Variants in DCTN4 observed in about 807,000 individuals in gnomAD.
DCTN4 encodes dynactin 4 (p62).
DCTN4 carries 23 observed loss-of-function variants against 62.7 expected under a neutral mutation model. The observed-to-expected ratio is 0.37, with a 90% CI of 0.26 to 0.52. The LOEUF is 0.52. Ranked by LOEUF, DCTN4 falls within the 20% of genes least tolerant of loss-of-function variation. DCTN4 has a pLI of 0.92. For missense variants in DCTN4, 514 were observed against 580.4 expected, an observed-to-expected ratio of 0.89 and a Z score of 1.18; for synonymous variants, 199 against 202.1, an observed-to-expected ratio of 0.98 and a Z score of 0.13.
rs1441251507 is a variant in DCTN4 at position 150,708,918 on chromosome 5, C to A, written c.*2231G>T. On this transcript the variant is annotated 3_prime_UTR_variant, in exon 13 of 13. Coordinates refer to ENST00000447998, the MANE Select transcript of DCTN4 (RefSeq NM_016221.4). ...TCATTATGCTGATAAGCACTTCAAA[C>A]AAAAGAAAAGGTCAGTAGGTGAATC... The A allele has an allele frequency of 1.3e-5, 2 of 152,754 alleles. No homozygotes were observed. The highest frequency in any genetic ancestry group is 2.9e-5 in the Non-Finnish European group (2 of 68,026). The allele number at this position is 152,754 out of a possible 1,614,324, so 9.5% of individuals were successfully genotyped here.
In DCTN4 at chr5:150,741,927, T is replaced by C. The variant is rs76145605; in HGVS notation, c.429+187A>G. On this transcript the variant is annotated intron_variant, in intron 4 of 12. Transcript: ENST00000447998. ...AAGCTACACCTAGGATTCTCCATTATCTTAAGTCATTTGGAAAAAAGTGAC... is the reference window on the plus strand; with the variant it reads ...AAGCTACACCTAGGATTCTCCATTACCTTAAGTCATTTGGAAAAAAGTGAC... Among the ~76,000 whole-genome samples, 178 of 152,338 alleles carry C rather than the reference T, an allele frequency of 1.2e-3. 2 individuals carry two copies. The highest frequency in any genetic ancestry group is 4.1e-3 in the African/African-American group (171 of 41,582).
At chr5:150,721,648 T>C (rs1759957723) in intron 9 of DCTN4, among the ~76,000 whole-genome samples, 1 of 152,228 alleles carries the variant, frequency 6.6e-6, no homozygotes, top group Non-Finnish European at 1.5e-5. Flanking sequence ...TCCCATAAGC[T>C]ACCTGTTCAA....
chr5:150,743,643 G>A (rs539379440), intron 3 of DCTN4, among the ~76,000 whole-genome samples: 2 of 152,296 alleles, frequency 1.3e-5, no homozygotes, highest in East Asian at 1.9e-4. Flanking sequence ...CGCGATTCAC[G>A]AAAATCTGTG....
intron 3 of DCTN4, among the ~76,000 whole-genome samples, chr5:150,750,816 G>A (rs1752644305): frequency 6.6e-6 from 1 of 152,222 alleles, no homozygotes; most frequent in Non-Finnish European, 1.5e-5. Flanking sequence ...GGAAGATAAA[G>A]TAGGGGGAGG....
chr5:150,730,664 T>C lies in DCTN4; in HGVS notation c.801A>G (p.Lys267=), dbSNP rs745840867. The part of the protein sequence containing the change: ...VCASQLYPRH[K]HLLIKRSLRC... ...GCAGGGACCGTTTGATCAGAAGATG[T>C]TTGTGGCGAGGATAGAGCTGTGAAG... Residue 267 remains lysine, a synonymous_variant, in exon 8 of 13, where the codon AAA becomes AAG. Coordinates refer to ENST00000447998, the MANE Select transcript of DCTN4 (RefSeq NM_016221.4). The C allele has an allele frequency of 4.3e-6, 7 of 1,613,982 alleles. No homozygotes were observed. In the South Asian group the frequency reaches 7.7e-5, roughly 18 times the overall value.
chr5:150,711,279 C>T lies in DCTN4; in HGVS notation c.1253G>A (p.Cys418Tyr), dbSNP rs1330292845. The T allele has an allele frequency of 6.2e-7, 1 of 1,613,512 alleles. No individual in the cohort carries two copies. Among genetic ancestry groups the T allele is most frequent in the South Asian group, 1.1e-5 (1 of 91,048 alleles). The part of the protein sequence containing the change: ...PQREEGEVTV[C>Y]FKMKHDFKNL... ...TTTAAAATCATGCTTCATCTTGAAG[C>T]ACACGGTCACTTCACCCTCCTCACG... Residue 418 changes from cysteine to tyrosine, a missense_variant, in exon 13 of 13, where the codon TGC becomes TAC. Coordinates refer to ENST00000447998, the MANE Select transcript of DCTN4 (RefSeq NM_016221.4).
rs1346179708 is a variant in DCTN4 at position 150,731,420 on chromosome 5, G to C, written c.607C>G (p.Leu203Val). Residue 203 changes from leucine to valine, a missense_variant, in exon 6 of 13, where the codon CTT becomes GTT. By Grantham distance (32) the Leu-to-Val change is conservative (BLOSUM62 1). Coordinates refer to ENST00000447998, the MANE Select transcript of DCTN4 (RefSeq NM_016221.4). Reference sequence around the variant, plus strand: ...TCATTTCATGTCTAAACTTACGAAAGTCCGGCAAGGGTACTGATGGATGCA... The same window carrying C: ...TCATTTCATGTCTAAACTTACGAAACTCCGGCAAGGGTACTGATGGATGCA... ...AGASISTLAG[L>V]SLKEGEDQKE... The C allele has an allele frequency of 1.2e-6, 2 of 1,613,666 alleles. No individual in the cohort carries two copies. Among genetic ancestry groups the C allele is most frequent in the South Asian group, 1.1e-5 (1 of 91,056 alleles).
intron 2 of DCTN4, among the ~76,000 whole-genome samples, chr5:150,754,655 C>CT (rs752488848): frequency 4.6e-5 from 7 of 152,126 alleles, no homozygotes. Context: ...AGAAACAACT[C>CT]TAAGACTGAG....
At chr5:150,731,377 C>G in intron 6 of DCTN4, 39 bp downstream of exon 6, 2 of 1,509,544 alleles carry the variant, frequency 1.3e-6, no homozygotes, top group South Asian at 2.3e-5. Flanking sequence ...ATTTTGATAC[C>G]TGCTGTTCTC....
chr5:150,756,357 G>A, intron 2 of DCTN4, 60 bp downstream of exon 2: 1 of 1,259,368 alleles, frequency 7.9e-7, no homozygotes, highest in Non-Finnish European at 1.1e-6. Context: ...TTTTTAACTA[G>A]CTATTTTAGA....
chr5:150,735,192 G>A (rs1036047229), intron 4 of DCTN4, among the ~76,000 whole-genome samples: 13 of 149,624 alleles, frequency 8.7e-5, no homozygotes, highest in South Asian at 4.2e-4. Context: ...TCTTGAAAGC[G>A]CCACCTCCTG....
chr5:150,734,914 T>C (rs2113073113), intron 4 of DCTN4, among the ~76,000 whole-genome samples: 1 of 152,234 alleles, frequency 6.6e-6, no homozygotes, highest in East Asian at 1.9e-4. Flanking sequence ...GAGGCAGCCA[T>C]AATCCCCCTG....
chr5:150,752,679 T>C (rs1393645945), intron 3 of DCTN4, among the ~76,000 whole-genome samples: 1 of 152,158 alleles, frequency 6.6e-6, no homozygotes, highest in African/African-American at 2.4e-5. Flanking sequence ...GGAAGTCGAA[T>C]ACATCTTTTT....
intron 3 of DCTN4, chr5:150,742,928 C>T (rs1760820919): frequency 6.4e-6 from 1 of 157,214 alleles, no homozygotes; most frequent in Non-Finnish European, 1.4e-5. Context: ...GCATTTCCAT[C>T]TGAGGTACTG....
intron 3 of DCTN4, among the ~76,000 whole-genome samples, chr5:150,743,765 A>G (rs559003080): frequency 6.6e-6 from 1 of 152,216 alleles, no homozygotes; most frequent in Non-Finnish European, 1.5e-5. Context: ...GAAAACTAAC[A>G]AACAGAAAGG....
chr5:150,747,993 G>A (rs1216170572), intron 3 of DCTN4, among the ~76,000 whole-genome samples: 2 of 144,830 alleles, frequency 1.4e-5, no homozygotes, highest in Non-Finnish European at 3.0e-5. Context: ...TACCATCAGA[G>A]TGAACAGGCA....
chr5:150,730,852 A>G (rs1259973430), intron 7 of DCTN4, 112 bp from the exon 8 acceptor site: 7 of 945,778 alleles, frequency 7.4e-6, no homozygotes, highest in East Asian at 2.4e-5. Context: ...TGTTGTTCAT[A>G]AAAATGAAAA....
At chr5:150,744,778 C>T (rs920533028) in intron 3 of DCTN4, among the ~76,000 whole-genome samples, 3 of 151,994 alleles carry the variant, frequency 2.0e-5, no homozygotes, top group African/African-American at 7.3e-5. Flanking sequence ...CCTAAAAGAG[C>T]TCCTGAAAGA....
chr5:150,738,683 C>T (rs1393552596), intron 4 of DCTN4, among the ~76,000 whole-genome samples: 2 of 152,144 alleles, frequency 1.3e-5, no homozygotes, highest in Non-Finnish European at 2.9e-5. Context: ...TGAAAACATT[C>T]CAGCTGAGAA....
Sources: allele counts gnomAD v4.1 joint callset (sites outside exome capture counted in the v4.1 genomes callset), GRCh38; gene constraint gnomAD v4.1.1; transcripts MANE v1.5; gene names NCBI Gene and HGNC (gene_info 2026-07-23, HGNC 2026-07-21).